PITPNC1: variants seen among roughly 807,000 people sequenced by gnomAD.
The protein encoded by PITPNC1 is cytoplasmic phosphatidylinositol transfer protein 1.
In PITPNC1, 18 loss-of-function variants were observed where a neutral mutation model predicts 44.7. The ratio of observed to expected loss-of-function variants is 0.40; its 90% CI spans 0.28 to 0.60. The LOEUF is 0.60. Among genes scored for constraint, PITPNC1 ranks in the 20% least tolerant of loss-of-function variants. The pLI is 0.39. For synonymous variants in PITPNC1, 141 were observed against 149.6 expected (o/e 0.94, Z 0.42); for missense variants, 290 against 418.4 (o/e 0.69, Z 2.68).
intron 1 of PITPNC1, among the ~76,000 whole-genome samples, chr17:67,494,216 T>TCTTTCTTTC (rs371994851): frequency 1.0e-4 from 15 of 148,182 alleles, no homozygotes; most frequent in South Asian, 6.3e-4. Flanking sequence ...TTTCTTTCTT[T>TCTTTCTTTC]TTGAGACGTA....
At chr17:67,394,894 C>G (rs930240290) in intron 1 of PITPNC1, among the ~76,000 whole-genome samples, 1 of 148,518 alleles carries the variant, frequency 6.7e-6, no homozygotes, top group African/African-American at 2.5e-5. Flanking sequence ...GACCCCGTCT[C>G]GAGGAAAAAA....
At chr17:67,657,911 T>G (rs1208183019) in intron 6 of PITPNC1, among the ~76,000 whole-genome samples, 1 of 152,248 alleles carries the variant, frequency 6.6e-6, no homozygotes, top group Non-Finnish European at 1.5e-5. Flanking sequence ...CGTGAAGTCT[T>G]GTTTTATTCT....
chr17:67,623,109 CAAAAA>C (rs1198070826), intron 5 of PITPNC1, among the ~76,000 whole-genome samples: 8 of 85,302 alleles, frequency 9.4e-5, no homozygotes, highest in African/African-American at 2.6e-4. Context: ...TCCCAAAAGC[CAAAAA>C]AAAAAAAAAA....
chr17:67,387,137 C>T (rs986230170), intron 1 of PITPNC1, among the ~76,000 whole-genome samples: 2 of 152,216 alleles, frequency 1.3e-5, no homozygotes, highest in Non-Finnish European at 2.9e-5. Flanking sequence ...AACAGCGTCG[C>T]AGGGCTGCAC....
intron 1 of PITPNC1, among the ~76,000 whole-genome samples, chr17:67,485,423 G>A (rs1224032011): frequency 6.8e-6 from 1 of 147,908 alleles, no homozygotes; most frequent in Non-Finnish European, 1.5e-5. Context: ...CCCAGGCAGT[G>A]GTGTGATCTT....
At chr17:67,596,542 G>A (rs903973476) in intron 5 of PITPNC1, among the ~76,000 whole-genome samples, 4 of 151,934 alleles carry the variant, frequency 2.6e-5, no homozygotes, top group African/African-American at 9.7e-5. Context: ...ATAGAGTCTC[G>A]CTCTGTCGTC....
In PITPNC1 at chr17:67,570,430, A is replaced by G. The variant is rs141648646; in HGVS notation, c.295-7756A>G. ...TTTGGCTGCCTTCCTTGCCATGGGA[A>G]GAAGCCATCAGGTGTCCTGTGGATG... On this transcript the variant is annotated intron_variant, in intron 4 of 8. Coordinates refer to ENST00000581322, the MANE Select transcript of PITPNC1 (RefSeq NM_012417.4). Among the ~76,000 whole-genome samples, 884 of 152,326 alleles carry G rather than the reference A, an allele frequency of 5.8e-3. 10 individuals are homozygous for G. Among genetic ancestry groups the G allele is most frequent in the African/African-American group, 0.02 (841 of 41,568 alleles).
chr17:67,585,219 G>A (rs2041297759), intron 5 of PITPNC1, among the ~76,000 whole-genome samples: 1 of 152,068 alleles, frequency 6.6e-6, no homozygotes. Flanking sequence ...TTGCAGCTGT[G>A]CTAAGTGCTA....
At chr17:67,545,377 A>G (rs2040665069) in intron 2 of PITPNC1, among the ~76,000 whole-genome samples, 1 of 152,122 alleles carries the variant, frequency 6.6e-6, no homozygotes, top group African/African-American at 2.4e-5. Context: ...CAGGCGTTTG[A>G]GACCAGCCTG....
chr17:67,432,958 T>G (rs2038877961), intron 1 of PITPNC1, among the ~76,000 whole-genome samples: 1 of 152,146 alleles, frequency 6.6e-6, no homozygotes, highest in South Asian at 2.1e-4. Flanking sequence ...AGGAGGACCC[T>G]GACAACAGCA....
At chr17:67,533,012 C>T (rs977265416) in intron 2 of PITPNC1, 62 bp downstream of exon 2, 3 of 1,289,878 alleles carry the variant, frequency 2.3e-6, no homozygotes, top group African/African-American at 1.5e-5. Flanking sequence ...CATGGTGTGA[C>T]AGTGGAGGCA....
intron 1 of PITPNC1, among the ~76,000 whole-genome samples, chr17:67,512,644 C>A (rs1027549295): frequency 6.6e-6 from 1 of 151,504 alleles, no homozygotes; most frequent in Admixed American, 6.6e-5. Flanking sequence ...ATATCGATTT[C>A]TCTTATTAGA....
intron 2 of PITPNC1, among the ~76,000 whole-genome samples, chr17:67,537,849 G>A (rs2040550929): frequency 6.6e-6 from 1 of 151,856 alleles, no homozygotes; most frequent in African/African-American, 2.4e-5. Flanking sequence ...GCGGGTGCCT[G>A]TAATCCCAGC....
chr17:67,451,844 G>A (rs1694367641), intron 1 of PITPNC1, among the ~76,000 whole-genome samples: 2 of 151,856 alleles, frequency 1.3e-5, no homozygotes, highest in Admixed American at 6.6e-5. Flanking sequence ...CACCATGCTA[G>A]CCAGGATGGT....
chr17:67,425,206 CACACACACA>C (rs2038740906), intron 1 of PITPNC1, among the ~76,000 whole-genome samples: 1 of 25,484 alleles, frequency 3.9e-5, no homozygotes, highest in African/African-American at 3.1e-4. Context: ...CGCACACGCA[CACACACACA>C]CACACACACA....
chr17:67,648,348 A>G (rs1413523788), intron 6 of PITPNC1, among the ~76,000 whole-genome samples: 1 of 152,228 alleles, frequency 6.6e-6, no homozygotes, highest in Non-Finnish European at 1.5e-5. Context: ...GAGCACTGCT[A>G]AAATCAGAGT....
intron 6 of PITPNC1, among the ~76,000 whole-genome samples, chr17:67,633,134 T>C (rs1166378538): frequency 6.6e-6 from 1 of 152,146 alleles, no homozygotes; most frequent in East Asian, 1.9e-4. Flanking sequence ...GGTGACCCAC[T>C]TGTAAATAAC....
intron 5 of PITPNC1, among the ~76,000 whole-genome samples, chr17:67,588,305 T>C (rs1011434923): frequency 8.5e-5 from 13 of 152,264 alleles, no homozygotes; most frequent in African/African-American, 2.2e-4. Context: ...TGCCCAGCCG[T>C]GAAGTCTGTT....
At chr17:67,592,326 G>A (rs545288309) in intron 5 of PITPNC1, among the ~76,000 whole-genome samples, 1 of 152,208 alleles carries the variant, frequency 6.6e-6, no homozygotes, top group African/African-American at 2.4e-5. Context: ...AACTTTTCTA[G>A]ACGAAATTAT....
Sources: gnomAD v4.1 joint callset for allele counts (sites outside exome capture counted in the v4.1 genomes callset) on GRCh38, gnomAD v4.1.1 for gene constraint, MANE v1.5 for transcripts, NCBI Gene and HGNC (gene_info 2026-07-23, HGNC 2026-07-21) for gene names.